SHROOM3: variants seen among roughly 807,000 people sequenced by gnomAD.
The protein encoded by SHROOM3 is shroom family member 3.
SHROOM3 carries 47 observed loss-of-function variants against 138.6 expected under a neutral mutation model. The ratio of observed to expected loss-of-function variants is 0.34; its 90% CI spans 0.27 to 0.43. The LOEUF is 0.43. SHROOM3 is among the 20% of genes least tolerant of loss of function. SHROOM3 has a pLI of 1.00. For missense variants in SHROOM3, 2,491 were observed against 2,596.5 expected (o/e 0.96, Z 0.88); for synonymous variants, 1,062 against 1,063.3 (o/e 1.00, Z 0.02).
At chr4:76,742,664 G>T (rs1721301116) in intron 5 of SHROOM3, among the ~76,000 whole-genome samples, 1 of 152,142 alleles carries the variant, frequency 6.6e-6, no homozygotes, top group African/African-American at 2.4e-5. Context: ...AGCAGTGCTG[G>T]GAATAGAAGC....
chr4:76,470,967 A>G (rs1028259747), intron 1 of SHROOM3, among the ~76,000 whole-genome samples: 2 of 152,180 alleles, frequency 1.3e-5, no homozygotes, highest in Non-Finnish European at 2.9e-5. Flanking sequence ...TCATACCCCC[A>G]TTAAAAGCTG....
chr4:76,554,924 C>T (rs1168721577), intron 1 of SHROOM3, among the ~76,000 whole-genome samples: 1 of 151,742 alleles, frequency 6.6e-6, no homozygotes, highest in East Asian at 1.9e-4. Flanking sequence ...CTCACAGGAG[C>T]CCGAACCCTA....
intron 1 of SHROOM3, among the ~76,000 whole-genome samples, chr4:76,504,739 A>C (rs1448611225): frequency 6.6e-6 from 1 of 152,180 alleles, no homozygotes; most frequent in Non-Finnish European, 1.5e-5. Flanking sequence ...CTCCTAATTG[A>C]AACTCACTGA....
intron 9 of SHROOM3, among the ~76,000 whole-genome samples, chr4:76,764,543 G>A (rs1403088776): frequency 6.6e-6 from 1 of 152,174 alleles, no homozygotes; most frequent in Non-Finnish European, 1.5e-5. Context: ...TAGGTCTGCT[G>A]ATAACACATT....
chr4:76,733,877 C>G (rs1026321022), intron 4 of SHROOM3, among the ~76,000 whole-genome samples: 2 of 152,112 alleles, frequency 1.3e-5, no homozygotes, highest in African/African-American at 4.8e-5. Flanking sequence ...TGTAATTTAA[C>G]TGTGAGCTAG....
intron 1 of SHROOM3, among the ~76,000 whole-genome samples, chr4:76,437,386 T>G (rs1038362891): frequency 1.3e-5 from 2 of 151,978 alleles, no homozygotes; most frequent in Non-Finnish European, 2.9e-5. Context: ...AGTTTGGAGG[T>G]AGATTTTCCA....
At chr4:76,747,172 A>G (rs1471189299) in intron 5 of SHROOM3, among the ~76,000 whole-genome samples, 3 of 152,184 alleles carry the variant, frequency 2.0e-5, no homozygotes, top group Admixed American at 6.5e-5. Context: ...CAATTTTGAG[A>G]TAATTAACAA....
At chr4:76,674,807 G>A (rs1424903772) in intron 2 of SHROOM3, among the ~76,000 whole-genome samples, 12 of 151,696 alleles carry the variant, frequency 7.9e-5, no homozygotes, top group Admixed American at 3.9e-4. Flanking sequence ...CGCCTGCCTC[G>A]GCCTCCCAAA....
chr4:76,494,235 TC>T (rs1259847049), intron 1 of SHROOM3, among the ~76,000 whole-genome samples: 1 of 152,140 alleles, frequency 6.6e-6, no homozygotes, highest in Non-Finnish European at 1.5e-5. Context: ...GAAATTCTTT[TC>T]TAAACTTCTG....
At chr4:76,462,539 A>G (rs557208252) in intron 1 of SHROOM3, among the ~76,000 whole-genome samples, 1 of 152,212 alleles carries the variant, frequency 6.6e-6, no homozygotes, top group East Asian at 1.9e-4. Context: ...GTAATCCCCA[A>G]TATTGGGGGA....
Position 76,435,699 on chromosome 4 carries a change from T to C in SHROOM3, c.-354T>C, listed in dbSNP as rs1444326001. 1 of 180,842 alleles carries C rather than the reference T, an allele frequency of 5.5e-6. No individual in the cohort carries two copies. Among genetic ancestry groups the C allele is most frequent in the African/African-American group, 2.4e-5 (1 of 42,480 alleles). The allele number at this position is 180,842 out of a possible 1,614,324, so 11.2% of individuals were successfully genotyped here. On this transcript the variant is annotated 5_prime_UTR_variant, in exon 1 of 11. Coordinates refer to ENST00000296043, the MANE Select transcript of SHROOM3 (RefSeq NM_020859.4). The stretch of plus-strand genomic sequence containing the variant: ...TCTCTGTAAAATAGGCAGAAATGGT[T>C]TTAGTGTGTGTATGTGTGAAATAAA...
rs148836817 is a variant in SHROOM3, at chr4:76,663,708, G to A, written c.324-46448G>A. On this transcript the variant is annotated intron_variant, in intron 2 of 10. Transcript: ENST00000296043. ...CTGCGCACAGCTTTGGTTTTTAATT[G>A]GATTAATTTCCAATATTTAAAACTT... Among the ~76,000 whole-genome samples, 1,037 of 152,184 alleles carry A rather than the reference G, an allele frequency of 6.8e-3. 16 individuals carry two copies. The highest frequency in any genetic ancestry group is 0.039 in the Admixed American group (593 of 15,296).
At chr4:76,679,794 G>A (rs1189059916) in intron 2 of SHROOM3, among the ~76,000 whole-genome samples, 1 of 152,104 alleles carries the variant, frequency 6.6e-6, no homozygotes, top group Non-Finnish European at 1.5e-5. Context: ...CATTCTCCTC[G>A]GTGACAAGGA....
intron 10 of SHROOM3, among the ~76,000 whole-genome samples, chr4:76,776,175 G>C (rs768067392): frequency 1.2e-4 from 19 of 152,106 alleles, no homozygotes; most frequent in Admixed American, 3.9e-4. Context: ...CAGGAGTAAG[G>C]TGGTATTGCA....
chr4:76,534,411 T>C (rs1386664262), intron 1 of SHROOM3, among the ~76,000 whole-genome samples: 3 of 152,222 alleles, frequency 2.0e-5, no homozygotes, highest in African/African-American at 7.2e-5. Context: ...TTTAGTTGTC[T>C]ATGTCCCTTG....
intron 2 of SHROOM3, among the ~76,000 whole-genome samples, chr4:76,569,721 G>T (rs1291772455): frequency 2.0e-5 from 3 of 148,246 alleles, no homozygotes; most frequent in African/African-American, 2.5e-5. Context: ...TCCCCTCAAA[G>T]TGTGGTCTTT....
At chr4:76,729,268 G>A (rs1720803859) in intron 3 of SHROOM3, among the ~76,000 whole-genome samples, 1 of 152,098 alleles carries the variant, frequency 6.6e-6, no homozygotes, top group African/African-American at 2.4e-5. Context: ...TTATCTCAGA[G>A]CTGGTACCCT....
At chr4:76,751,069 C>T (rs1031150323) in intron 6 of SHROOM3, among the ~76,000 whole-genome samples, 29 of 152,166 alleles carry the variant, frequency 1.9e-4, no homozygotes, top group Non-Finnish European at 4.1e-4. Flanking sequence ...GATCACAGAT[C>T]CTGTGCTATG....
At position 76,555,617 on chromosome 4, in the gene SHROOM3, AG is replaced by A; in HGVS notation, c.182del (p.Gly61AlafsTer6). ...TCTCTCCCTCCAAGCAGGTCGAAGA[AG>A]GGGGCAAAGCAGACACCCTGAGCTC... ...EPLIISKVEEGGKADTLSSKL... is the reference protein window; with the variant it reads ...EPLIISKVEEXGKADTLSSKL... On this transcript the variant is annotated frameshift_variant, in exon 2 of 11. Coordinates refer to ENST00000296043, the MANE Select transcript of SHROOM3 (RefSeq NM_020859.4). LOFTEE classifies it high-confidence loss of function. The A allele has an allele frequency of 6.2e-7, 1 of 1,613,656 alleles. No homozygotes were observed. The highest frequency in any genetic ancestry group is 8.5e-7 in the Non-Finnish European group (1 of 1,179,984).
Sources: allele counts gnomAD v4.1 joint callset (sites outside exome capture counted in the v4.1 genomes callset), GRCh38; gene constraint gnomAD v4.1.1; transcripts MANE v1.5; gene names NCBI Gene and HGNC (gene_info 2026-07-23, HGNC 2026-07-21).